Variants in CFAP299 observed in about 807,000 individuals in gnomAD.
The protein encoded by CFAP299 is cilia- and flagella-associated protein 299.
CFAP299 carries 21 observed loss-of-function variants against 27.0 expected under a neutral mutation model. The observed-to-expected ratio is 0.78, with a 90% confidence interval of 0.55 to 1.12. The LOEUF (loss-of-function observed/expected upper bound fraction) is 1.12, where lower values mean the gene tolerates loss of function less well. Among genes scored for constraint, CFAP299 ranks in the 50% most tolerant of loss-of-function variants. The pLI is 0.00. For missense variants in CFAP299, 310 were observed against 276.6 expected (o/e 1.12, Z -0.86); for synonymous variants, 104 against 98.1 (o/e 1.06, Z -0.36).
chr4:80,581,556 C>G (rs544479935), intron 2 of CFAP299, among the ~76,000 whole-genome samples: 1 of 146,166 alleles, frequency 6.8e-6, no homozygotes, highest in African/African-American at 2.6e-5. Flanking sequence ...TAAAGAGCTA[C>G]ATTTCTAGAT....
intron 4 of CFAP299, among the ~76,000 whole-genome samples, chr4:80,908,621 A>T (rs1285700416): frequency 6.6e-6 from 1 of 152,190 alleles, no homozygotes; most frequent in East Asian, 1.9e-4. Context: ...GTTTCTCATT[A>T]TATCTCAGAT....
At chr4:80,867,802 T>C (rs930347272) in intron 3 of CFAP299, among the ~76,000 whole-genome samples, 1 of 152,222 alleles carries the variant, frequency 6.6e-6, no homozygotes, top group Non-Finnish European at 1.5e-5. Flanking sequence ...ACCTCTGTGG[T>C]ACTGGAGTTC....
At chr4:80,504,417 C>A (rs1431458548) in intron 2 of CFAP299, among the ~76,000 whole-genome samples, 2 of 128,592 alleles carry the variant, frequency 1.6e-5, no homozygotes, top group African/African-American at 5.8e-5. Flanking sequence ...AACTTCTGTA[C>A]TTTACTTACT....
intron 4 of CFAP299, among the ~76,000 whole-genome samples, chr4:80,876,767 T>A (rs1733400500): frequency 6.6e-6 from 1 of 152,174 alleles, no homozygotes; most frequent in Non-Finnish European, 1.5e-5. Context: ...TGTAAAGATG[T>A]CACTTTTGAC....
At chr4:80,392,882 A>G (rs1185891015) in intron 2 of CFAP299, among the ~76,000 whole-genome samples, 2 of 152,180 alleles carry the variant, frequency 1.3e-5, no homozygotes, top group African/African-American at 4.8e-5. Context: ...ATTATTTTAA[A>G]GTGCACTCCT....
At chr4:80,481,106 A>G (rs1553926679) in intron 2 of CFAP299, among the ~76,000 whole-genome samples, 1 of 152,018 alleles carries the variant, frequency 6.6e-6, no homozygotes, top group Non-Finnish European at 1.5e-5. Flanking sequence ...AAGAGACAAT[A>G]GTGTGTTGAA....
upstream of CFAP299, among the ~76,000 whole-genome samples, chr4:80,335,512 A>C (rs994309721): frequency 4.6e-5 from 7 of 152,134 alleles, no homozygotes; most frequent in Non-Finnish European, 8.8e-5. Context: ...TGCAGTTTGC[A>C]CCTCTCTGGT....
intron 3 of CFAP299, among the ~76,000 whole-genome samples, chr4:80,777,430 C>T (rs1187086061): frequency 2.6e-5 from 4 of 152,084 alleles, no homozygotes; most frequent in Non-Finnish European, 5.9e-5. Flanking sequence ...ACTTTTCATT[C>T]AGGCTAGGCT....
intron 2 of CFAP299, among the ~76,000 whole-genome samples, chr4:80,432,189 T>C (rs1727848544): frequency 6.6e-6 from 1 of 152,216 alleles, no homozygotes; most frequent in Admixed American, 6.5e-5. Context: ...TCTTGCTGTG[T>C]CGCCCAGGCT....
rs567927269 is a variant in CFAP299 at position 80,890,327 on chromosome 4, A to G, written c.476+20192A>G. On this transcript the variant is annotated intron_variant, in intron 4 of 5. Transcript: ENST00000358105. ...ATAAAAATCAGGAGCATTTTTATAT[A>G]CCAACAGTGAACAATCTAAAAAAGA... Among the ~76,000 whole-genome samples the G allele has an allele frequency of 4.6e-5, 7 of 152,292 alleles. No individual in the cohort carries two copies. The East Asian group carries it at 1.3e-3, about 29-fold the overall frequency.
At chr4:80,774,735 A>G (rs1050561227) in intron 3 of CFAP299, among the ~76,000 whole-genome samples, 1 of 152,070 alleles carries the variant, frequency 6.6e-6, no homozygotes, top group Non-Finnish European at 1.5e-5. Flanking sequence ...ACATACATGG[A>G]TGATGCCATT....
intron 2 of CFAP299, among the ~76,000 whole-genome samples, chr4:80,470,465 T>TGAAA (rs1729940614): frequency 6.6e-6 from 1 of 151,706 alleles, no homozygotes; most frequent in African/African-American, 2.4e-5. Context: ...TATCATTTTA[T>TGAAA]GTATTACCTT....
intron 3 of CFAP299, among the ~76,000 whole-genome samples, chr4:80,697,608 G>T (rs1381757699): frequency 6.6e-6 from 1 of 152,214 alleles, no homozygotes; most frequent in East Asian, 1.9e-4. Context: ...AGCAGGTGAT[G>T]GTAGTGGGGA....
chr4:80,656,935 G>A (rs1740586726), intron 3 of CFAP299, among the ~76,000 whole-genome samples: 1 of 152,046 alleles, frequency 6.6e-6, no homozygotes, highest in African/African-American at 2.4e-5. Flanking sequence ...GTGTGAGATG[G>A]TATCTCATTG....
At chr4:80,571,897 C>T (rs1735596495) in intron 2 of CFAP299, among the ~76,000 whole-genome samples, 1 of 152,192 alleles carries the variant, frequency 6.6e-6, no homozygotes, top group Non-Finnish European at 1.5e-5. Flanking sequence ...GTTGTTTACA[C>T]CACTCAGTGT....
At chr4:80,449,115 G>A (rs929271162) in intron 2 of CFAP299, among the ~76,000 whole-genome samples, 2 of 152,238 alleles carry the variant, frequency 1.3e-5, no homozygotes, top group East Asian at 3.9e-4. Flanking sequence ...CCAAATGCAT[G>A]TACTACATGC....
chr4:80,544,506 G>A (rs371885794), intron 2 of CFAP299, among the ~76,000 whole-genome samples: 63 of 152,262 alleles, frequency 4.1e-4, no homozygotes, highest in South Asian at 1.4e-3. Context: ...TAGGCTGAAA[G>A]TAAAGAGATG....
At chr4:80,893,784 A>C (rs1271882806) in intron 4 of CFAP299, among the ~76,000 whole-genome samples, 2 of 151,576 alleles carry the variant, frequency 1.3e-5, no homozygotes, top group Non-Finnish European at 2.9e-5. Flanking sequence ...ATAGGGAAAA[A>C]GCTTCTGTAC....
At chr4:80,630,830 TA>T (rs1739170003) in intron 3 of CFAP299, among the ~76,000 whole-genome samples, 1 of 152,048 alleles carries the variant, frequency 6.6e-6, no homozygotes. Context: ...ACTTGTAAAT[TA>T]TTTTTTTCTT....
Sources: allele counts gnomAD v4.1 joint callset (sites outside exome capture counted in the v4.1 genomes callset), GRCh38; gene constraint gnomAD v4.1.1; transcripts MANE v1.5; gene names NCBI Gene and HGNC (gene_info 2026-07-23, HGNC 2026-07-21).